Variants in SLC16A7 observed in about 807,000 individuals in gnomAD.
SLC16A7 encodes the protein monocarboxylate transporter 2.
Under a neutral mutation model 34.9 loss-of-function variants are expected in SLC16A7, and 33 were observed. The observed-to-expected ratio is 0.94, with a 90% CI of 0.72 to 1.26. SLC16A7 has a LOEUF of 1.26. Ranked by LOEUF, SLC16A7 falls within the 50% of genes most tolerant of loss-of-function variation. The probability of loss-of-function intolerance (pLI) is 0.00; values close to 1 mark genes in which losing one functional copy is unlikely to be tolerated. For synonymous variants in SLC16A7, 201 were observed against 206.6 expected, an observed-to-expected ratio of 0.97 and a Z score of 0.23; for missense variants, 573 against 578.1, an observed-to-expected ratio of 0.99 and a Z score of 0.09.
intron 2 of SLC16A7, among the ~76,000 whole-genome samples, chr12:59,676,861 A>C (rs1592478111): frequency 6.6e-6 from 1 of 152,108 alleles, no homozygotes; most frequent in African/African-American, 2.4e-5. Flanking sequence ...TAAATGCAAA[A>C]GATTTTAAGT....
intron 1 of SLC16A7, among the ~76,000 whole-genome samples, chr12:59,608,805 C>A (rs144946830): frequency 3.3e-4 from 50 of 152,032 alleles, no homozygotes; most frequent in African/African-American, 1.2e-3. Context: ...CATTAAGATA[C>A]CTGAATCCGT....
At chr12:59,719,513 A>T (rs1875316863) in intron 3 of SLC16A7, among the ~76,000 whole-genome samples, 1 of 152,182 alleles carries the variant, frequency 6.6e-6, no homozygotes, top group Non-Finnish European at 1.5e-5. Context: ...ACCAAATTTT[A>T]TAACAGTTTG....
intron 3 of SLC16A7, among the ~76,000 whole-genome samples, chr12:59,749,651 T>C (rs112954154): frequency 3.0e-4 from 45 of 152,320 alleles, no homozygotes; most frequent in African/African-American, 1.0e-3. Flanking sequence ...CCCTTGAAGA[T>C]GTCGTTATTG....
chr12:59,754,874 A>C (rs1360172408), intron 3 of SLC16A7, among the ~76,000 whole-genome samples: 8 of 152,138 alleles, frequency 5.3e-5, no homozygotes, highest in South Asian at 4.2e-4. Flanking sequence ...TACTGGCAAA[A>C]CGAATCCACC....
chr12:59,729,290 C>T (rs371219300), intron 3 of SLC16A7, among the ~76,000 whole-genome samples: 12 of 152,178 alleles, frequency 7.9e-5, no homozygotes, highest in African/African-American at 2.7e-4. Flanking sequence ...ACTCATCATG[C>T]GGATTACCAT....
Position 59,704,822 on chromosome 12 carries a change from C to T in SLC16A7, c.21C>T (p.Ala7=). The T allele has an allele frequency of 6.2e-7, 1 of 1,613,452 alleles. No individual in the cohort carries two copies. Among genetic ancestry groups the T allele is most frequent in the Admixed American group, 1.7e-5 (1 of 59,990 alleles). The change falls in exon 3 of 6, where the codon GCC becomes GCT. Residue 7 remains alanine (A), a synonymous_variant. Coordinates refer to ENST00000547379, the MANE Select transcript of SLC16A7 (RefSeq NM_001270623.2). MPPMPS[A]PPVHPPPDGG... ...CAGAAATGCCACCAATGCCAAGTGCCCCACCTGTGCATCCACCTCCAGATG... is the reference window on the plus strand; with the variant it reads ...CAGAAATGCCACCAATGCCAAGTGCTCCACCTGTGCATCCACCTCCAGATG...
At chr12:59,753,380 A>C (rs1005222216) in intron 3 of SLC16A7, among the ~76,000 whole-genome samples, 1 of 152,214 alleles carries the variant, frequency 6.6e-6, no homozygotes. Flanking sequence ...GCAGAGACAC[A>C]CATAGGCTCA....
At chr12:59,651,686 G>A (rs1046086762) in intron 1 of SLC16A7, among the ~76,000 whole-genome samples, 8 of 152,066 alleles carry the variant, frequency 5.3e-5, no homozygotes, top group African/African-American at 1.9e-4. Flanking sequence ...CTTCAGCTTT[G>A]CCACAATGCC....
At chr12:59,708,407 G>A (rs530499134) in intron 3 of SLC16A7, among the ~76,000 whole-genome samples, 3 of 152,204 alleles carry the variant, frequency 2.0e-5, no homozygotes, top group South Asian at 2.1e-4. Flanking sequence ...GGGGTTCACT[G>A]TTGTAGAAGA....
intron 1 of SLC16A7, among the ~76,000 whole-genome samples, chr12:59,626,294 T>C (rs1879928310): frequency 6.6e-6 from 1 of 151,796 alleles, no homozygotes; most frequent in Admixed American, 6.6e-5. Flanking sequence ...TAAAAGCAGT[T>C]ATCTGGACCC....
At chr12:59,730,916 T>C (rs1876878230) in intron 3 of SLC16A7, among the ~76,000 whole-genome samples, 1 of 152,182 alleles carries the variant, frequency 6.6e-6, no homozygotes, top group South Asian at 2.1e-4. Context: ...CCCATCAAGA[T>C]CTTTGCACTA....
chr12:59,727,580 A>C (rs1876437396), intron 3 of SLC16A7, among the ~76,000 whole-genome samples: 1 of 152,184 alleles, frequency 6.6e-6, no homozygotes, highest in South Asian at 2.1e-4. Flanking sequence ...AAATGCTTTC[A>C]AAGGAGTTGT....
intron 2 of SLC16A7, among the ~76,000 whole-genome samples, chr12:59,696,195 A>C (rs1315069420): frequency 6.6e-6 from 1 of 151,656 alleles, no homozygotes; most frequent in East Asian, 1.9e-4. Context: ...TATACTTTTT[A>C]TTTTAATTTT....
At chr12:59,704,671 T>C in intron 2 of SLC16A7, 101 bp from the exon 3 acceptor site, 1 of 626,820 alleles carries the variant, frequency 1.6e-6, no homozygotes, top group Non-Finnish European at 2.8e-6. Context: ...TGAAAAATCA[T>C]ATTGTAGTTT....
intron 2 of SLC16A7, 95 bp downstream of exon 2, chr12:59,655,345 T>C (rs1222963012): frequency 2.6e-5 from 4 of 151,910 alleles, no homozygotes; most frequent in Admixed American, 1.3e-4. Flanking sequence ...TGAATGGTAG[T>C]ATTGGCATGA....
At chr12:59,724,896 G>A (rs968852905) in intron 3 of SLC16A7, among the ~76,000 whole-genome samples, 2 of 151,762 alleles carry the variant, frequency 1.3e-5, no homozygotes, top group African/African-American at 4.8e-5. Flanking sequence ...TGAAATGAAG[G>A]TAATAATAGA....
intron 1 of SLC16A7, among the ~76,000 whole-genome samples, chr12:59,613,110 G>A (rs770580086): frequency 6.2e-4 from 95 of 152,224 alleles, no homozygotes; most frequent in Non-Finnish European, 1.1e-3. Flanking sequence ...AAGGAAAGAG[G>A]TTTAATTGAC....
At position 59,788,207 on chromosome 12, in the gene SLC16A7, T is replaced by A. The variant is rs1481307784; in HGVS notation, c.*8528T>A. The A allele has an allele frequency of 5.3e-5, 8 of 152,192 alleles. No homozygotes were observed. In the East Asian group the frequency reaches 1.5e-3, roughly 29 times the overall value. 9.4% of individuals were successfully genotyped at this position (152,192 alleles called of 1,614,324 possible). ...AGATTGTTGGAATAAAAGTTATAGATAGTCACTTGTTGCTAATAAAAGACA... is the reference window on the plus strand; with the variant it reads ...AGATTGTTGGAATAAAAGTTATAGAAAGTCACTTGTTGCTAATAAAAGACA... On this transcript the variant is annotated 3_prime_UTR_variant, in exon 6 of 6. Transcript: ENST00000547379.
chr12:59,603,635 A>G (rs930670325), intron 1 of SLC16A7, among the ~76,000 whole-genome samples: 2 of 152,182 alleles, frequency 1.3e-5, no homozygotes, highest in South Asian at 2.1e-4. Context: ...TTGACATTGT[A>G]TAATAGAATG....
Sources: gnomAD v4.1 joint callset for allele counts (sites outside exome capture counted in the v4.1 genomes callset) on GRCh38, gnomAD v4.1.1 for gene constraint, MANE v1.5 for transcripts, NCBI Gene and HGNC (gene_info 2026-07-23, HGNC 2026-07-21) for gene names.